The following TBX19 variants were observed in gnomAD, a reference collection of about 807,000 sequenced individuals.
TBX19 encodes T-box transcription factor TBX19.
TBX19 carries 33 observed loss-of-function variants against 40.9 expected under a neutral mutation model. That is an observed-to-expected ratio of 0.81 (90% CI 0.61 to 1.08). The LOEUF is 1.08. Among genes scored for constraint, TBX19 ranks in the 50% least tolerant of loss-of-function variants. The pLI is 0.00. For missense variants in TBX19, 494 were observed against 574.0 expected (o/e 0.86, Z 1.42); for synonymous variants, 220 against 225.0 (o/e 0.98, Z 0.20).
At chr1:168,287,803 A>G (rs73033989) in intron 1 of TBX19, among the ~76,000 whole-genome samples, 13,053 of 152,096 alleles carry the variant, frequency 0.086, 1,032 homozygotes, top group African/African-American at 0.21. Context: ...CTAAGTAGGT[A>G]TTAAGATTTG....
At chr1:168,309,369 G>A (rs574971705) in intron 7 of TBX19, among the ~76,000 whole-genome samples, 5 of 152,158 alleles carry the variant, frequency 3.3e-5, no homozygotes, top group South Asian at 2.1e-4. Context: ...GTGAAACTCC[G>A]TCTCAAAAAA....
chr1:168,281,291 C>T lies in TBX19; in HGVS notation c.201C>T (p.Gly67=), dbSNP rs771527840. The T allele has an allele frequency of 6.2e-7, 1 of 1,614,082 alleles. No individual in the cohort carries two copies. The highest frequency in any genetic ancestry group is 1.1e-5 in the South Asian group (1 of 91,078). The change falls in exon 1 of 8, where the codon GGC becomes GGT. Residue 67 remains glycine, a splice_region_variant and synonymous_variant. Coordinates refer to ENST00000367821, the MANE Select transcript of TBX19 (RefSeq NM_005149.3). ...VTNEMIVTKN[G]RRMFPVLKIS... is the part of the protein sequence containing the mutation. ...ATGAGATGATTGTGACCAAGAATGG[C>T]AGGTGAGTTTATCTGCCGCCCCGCG...
At chr1:168,291,492 A>C in intron 2 of TBX19, 68 bp downstream of exon 2, 88 of 1,608,390 alleles carry the variant, frequency 5.5e-5, no homozygotes, top group Non-Finnish European at 6.6e-5. Flanking sequence ...AAGAAATATC[A>C]AGGGTGCATT....
chr1:168,297,608 G>A lies in TBX19; in HGVS notation c.604-116G>A, dbSNP rs568545240. ...ATTACAGGCATAAGCCATCGTGCCT[G>A]GTGGGAAAGGGAAGGAAAAGAGAGG... On this transcript the variant is annotated intron_variant, in intron 3 of 7. Transcript: ENST00000367821. The A allele has an allele frequency of 1.8e-4, 162 of 918,664 alleles. No homozygotes were observed. In the South Asian group the frequency reaches 1.8e-3, roughly 10 times the overall value. The allele number at this position is 918,664 out of a possible 1,614,324, so 56.9% of individuals were successfully genotyped here. A position where few individuals can be genotyped will look rare whatever the true frequency, so the allele number is the denominator to read the frequency against.
intron 1 of TBX19, among the ~76,000 whole-genome samples, chr1:168,283,197 T>C (rs987800532): frequency 1.3e-5 from 2 of 152,236 alleles, no homozygotes; most frequent in Non-Finnish European, 2.9e-5. Flanking sequence ...CCTTCATCTT[T>C]AACGTCATTT....
At chr1:168,296,036 T>C (rs945266555) in intron 3 of TBX19, among the ~76,000 whole-genome samples, 7 of 152,212 alleles carry the variant, frequency 4.6e-5, no homozygotes, top group African/African-American at 7.2e-5. Flanking sequence ...AATCAAGCTC[T>C]GGAAAGCCTA....
intron 7 of TBX19, among the ~76,000 whole-genome samples, chr1:168,309,091 G>A (rs1649469129): frequency 6.6e-6 from 1 of 152,200 alleles, no homozygotes; most frequent in African/African-American, 2.4e-5. Flanking sequence ...TAGAAGGATA[G>A]GCCGGGTGCA....
At chr1:168,295,586 A>G (rs138998928) in intron 3 of TBX19, among the ~76,000 whole-genome samples, 1 of 152,332 alleles carries the variant, frequency 6.6e-6, no homozygotes, top group East Asian at 1.9e-4. Flanking sequence ...CAGCCAGTCA[A>G]TGGAAACAGA....
chr1:168,304,239 G>C (rs977533303), intron 5 of TBX19, among the ~76,000 whole-genome samples: 1 of 152,230 alleles, frequency 6.6e-6, no homozygotes, highest in African/African-American at 2.4e-5. Flanking sequence ...TGTAGGTTAG[G>C]TTACCTTTTT....
rs1553289824 is a variant in TBX19, at chr1:168,298,800, C to CCCTCCCTCCCTCCCT, written c.665+1017_665+1018insTCCCTCCCTCCCTCC. On this transcript the variant is annotated intron_variant, in intron 4 of 7. Coordinates refer to ENST00000367821, the MANE Select transcript of TBX19 (RefSeq NM_005149.3). The stretch of plus-strand genomic sequence containing the variant: ...CCTTCCCTCCCTCCTCTCCTCTCCT[C>CCCTCCCTCCCTCCCT]CCCTCCCTCCCTCCCTCCCTTCCTT... Among the ~76,000 whole-genome samples the CCCTCCCTCCCTCCCT allele has an allele frequency of 8.7e-3, 70 of 8,034 alleles. 5 individuals are homozygous for CCCTCCCTCCCTCCCT. Among genetic ancestry groups the CCCTCCCTCCCTCCCT allele is most frequent in the African/African-American group, 0.029 (59 of 2,010 alleles). The allele number at this position is 8,034 out of a possible 152,430, so 5.3% of individuals were successfully genotyped here.
intron 2 of TBX19, among the ~76,000 whole-genome samples, chr1:168,292,361 G>A (rs1648961629): frequency 6.6e-6 from 1 of 152,208 alleles, no homozygotes; most frequent in South Asian, 2.1e-4. Context: ...ATTTGACTCA[G>A]AGAGAGTGTA....
intron 6 of TBX19, chr1:168,308,317 G>A (rs1649451090): frequency 3.7e-6 from 1 of 271,842 alleles, no homozygotes; most frequent in East Asian, 9.7e-5. Flanking sequence ...AACCTACTCA[G>A]GGATGGCCGA....
Position 168,312,874 on chromosome 1 carries a change from G to C in TBX19, c.1219G>C (p.Val407Leu). ...TQAPTSAGVE[V>L]LGEPSLTSIA... Reference sequence around the variant, plus strand: ...AGCACCCACTTCGGCTGGTGTGGAGGTTCTGGGGGAGCCCTCGCTAACCAG... The same window carrying C: ...AGCACCCACTTCGGCTGGTGTGGAGCTTCTGGGGGAGCCCTCGCTAACCAG... Residue 407 changes from valine to leucine, a missense_variant, in exon 8 of 8, where the codon GTT becomes CTT. Physicochemically the swap from Val to Leu is conservative, Grantham distance 32 (BLOSUM62 1). Coordinates refer to ENST00000367821, the MANE Select transcript of TBX19 (RefSeq NM_005149.3). 1 of 1,614,240 alleles carries C rather than the reference G, an allele frequency of 6.2e-7. No individual in the cohort carries two copies. Among genetic ancestry groups the C allele is most frequent in the East Asian group, 2.2e-5 (1 of 44,882 alleles).
chr1:168,308,752 A>G lies in TBX19; in HGVS notation c.927A>G (p.Ile309Met). 6.2e-7 allele frequency: 1 copy of G among 1,614,168 alleles called. No homozygotes were observed. Among genetic ancestry groups the G allele is most frequent in the Non-Finnish European group, 8.5e-7 (1 of 1,180,028 alleles). Reference protein sequence around the residue: ...HRNHSPSVNLIESSSNNLQVF... With the variant: ...HRNHSPSVNLMESSSNNLQVF... ...TGTTATTTCCCCAAGTGAATTTGAT[A>G]GAAAGCTCAAGCAATAATCTGCAAG... The change falls in exon 7 of 8, where the codon ATA becomes ATG. Residue 309 changes from isoleucine to methionine, a missense_variant. Physicochemically the swap from Ile to Met is conservative, Grantham distance 10. Coordinates refer to ENST00000367821, the MANE Select transcript of TBX19 (RefSeq NM_005149.3).
intron 3 of TBX19, among the ~76,000 whole-genome samples, chr1:168,295,293 G>GA (rs368797835): frequency 3.7e-4 from 53 of 144,816 alleles, no homozygotes; most frequent in Middle Eastern, 3.5e-3. Context: ...TTGGTCTCAG[G>GA]AAAAAAAAAA....
intron 7 of TBX19, among the ~76,000 whole-genome samples, chr1:168,310,551 C>T (rs929481450): frequency 6.6e-6 from 1 of 151,682 alleles, no homozygotes; most frequent in African/African-American, 2.4e-5. Context: ...CAGCCACCAG[C>T]CACCTGTAGT....
intron 6 of TBX19, 106 bp from the exon 7 acceptor site, chr1:168,308,636 C>T (rs1329468926): frequency 7.2e-7 from 1 of 1,394,286 alleles, no homozygotes; most frequent in Non-Finnish European, 1.0e-6. Context: ...CTGTTGGTGC[C>T]TGTAGTGCAA....
At chr1:168,290,784 T>C (rs1385517490) in intron 1 of TBX19, among the ~76,000 whole-genome samples, 1 of 152,178 alleles carries the variant, frequency 6.6e-6, no homozygotes, top group African/African-American at 2.4e-5. Flanking sequence ...ATTACTATTA[T>C]TCAGAAATAG....
intron 4 of TBX19, 50 bp from the exon 5 acceptor site, chr1:168,300,372 A>G: frequency 6.4e-7 from 1 of 1,552,732 alleles, no homozygotes; most frequent in Non-Finnish European, 8.9e-7. Context: ...TTTATAGTGG[A>G]CATACATAAA....
Sources: gnomAD v4.1 joint callset for allele counts (sites outside exome capture counted in the v4.1 genomes callset) on GRCh38, gnomAD v4.1.1 for gene constraint, MANE v1.5 for transcripts, NCBI Gene and HGNC (gene_info 2026-07-23, HGNC 2026-07-21) for gene names.